CSMD1: variants seen among roughly 807,000 people sequenced by gnomAD.
CSMD1 encodes the protein CUB and sushi domain-containing protein 1.
CSMD1 carries 213 observed loss-of-function variants against 417.5 expected under a neutral mutation model. The ratio of observed to expected loss-of-function variants is 0.51; its 90% CI spans 0.46 to 0.57. The LOEUF is 0.57. Among genes scored for constraint, CSMD1 ranks in the 20% least tolerant of loss-of-function variants. The pLI is 0.00. For synonymous variants in CSMD1, 2,862 were observed against 1,736.8 expected (o/e 1.65, Z -16.11); for missense variants, 6,923 against 4,529.7 (o/e 1.53, Z -15.17).
chr8:3,362,739 C>A (rs1809279593), intron 20 of CSMD1, among the ~76,000 whole-genome samples: 1 of 152,122 alleles, frequency 6.6e-6, no homozygotes, highest in Admixed American at 6.5e-5. Context: ...TAAAACAGAG[C>A]ATCCTCATTC....
chr8:4,058,088 G>A (rs1169850921), intron 3 of CSMD1, among the ~76,000 whole-genome samples: 1 of 152,150 alleles, frequency 6.6e-6, no homozygotes, highest in Non-Finnish European at 1.5e-5. Context: ...TTGGTAGCTT[G>A]ATGGGGATGG....
At position 4,818,652 on chromosome 8, in the gene CSMD1, G is replaced by C. The variant is rs368887502; in HGVS notation, c.85+175680C>G. Among the ~76,000 whole-genome samples, 110 of 152,268 alleles carry C rather than the reference G, an allele frequency of 7.2e-4. 3 individuals are homozygous for C. In the South Asian group the frequency reaches 0.021, roughly 30 times the overall value. ...CCAGTAAAAGGAAATAATATCTTTAGAGAAAGGGCAAAGGTATGAATAAAT... is the reference window on the plus strand; with the variant it reads ...CCAGTAAAAGGAAATAATATCTTTACAGAAAGGGCAAAGGTATGAATAAAT... On this transcript the variant is annotated intron_variant, in intron 1 of 69. Transcript: ENST00000635120.
chr8:4,186,350 C>A (rs1244564969), intron 3 of CSMD1, among the ~76,000 whole-genome samples: 2 of 152,126 alleles, frequency 1.3e-5, no homozygotes, highest in African/African-American at 4.8e-5. Context: ...CAGCCCTGGG[C>A]TGATTCCTAT....
chr8:4,261,305 G>C (rs1193687888), intron 3 of CSMD1, among the ~76,000 whole-genome samples: 2 of 152,044 alleles, frequency 1.3e-5, no homozygotes, highest in South Asian at 2.1e-4. Context: ...AATAACCCAG[G>C]CATAGAAAGA....
At chr8:3,730,435 T>C (rs2897573) in intron 6 of CSMD1, among the ~76,000 whole-genome samples, 86,500 of 148,538 alleles carry the variant, frequency 0.58, 28,284 homozygotes, top group Non-Finnish European at 0.72. Flanking sequence ...ACCTCTAGGT[T>C]AGCAGAGCAA....
intron 3 of CSMD1, among the ~76,000 whole-genome samples, chr8:4,064,034 C>G (rs1165880659): frequency 2.6e-5 from 4 of 152,246 alleles, no homozygotes; most frequent in African/African-American, 7.2e-5. Flanking sequence ...TCAACTGACA[C>G]CAGCTGAGAG....
At chr8:4,641,986 A>G (rs1428910381) in intron 1 of CSMD1, among the ~76,000 whole-genome samples, 1 of 152,200 alleles carries the variant, frequency 6.6e-6, no homozygotes, top group Non-Finnish European at 1.5e-5. Context: ...ACTACCTGGC[A>G]TGCAAGATGT....
intron 54 of CSMD1, among the ~76,000 whole-genome samples, chr8:2,988,076 A>G (rs1314639640): frequency 6.6e-6 from 1 of 152,166 alleles, no homozygotes; most frequent in African/African-American, 2.4e-5. Flanking sequence ...AGCTATTTTA[A>G]CATTAGCTTA....
At chr8:4,679,537 C>A (rs184838831) in intron 1 of CSMD1, among the ~76,000 whole-genome samples, 1 of 152,082 alleles carries the variant, frequency 6.6e-6, no homozygotes, top group African/African-American at 2.4e-5. Context: ...CCCCAAAATG[C>A]CAAATTTGAG....
At chr8:3,438,417 A>C (rs1814717582) in intron 12 of CSMD1, among the ~76,000 whole-genome samples, 1 of 152,088 alleles carries the variant, frequency 6.6e-6, no homozygotes, top group African/African-American at 2.4e-5. Flanking sequence ...AGCTACACTT[A>C]CTTTGGCCCA....
At chr8:3,967,887 G>T (rs1276926333) in intron 5 of CSMD1, among the ~76,000 whole-genome samples, 2 of 151,854 alleles carry the variant, frequency 1.3e-5, no homozygotes, top group African/African-American at 2.4e-5. Flanking sequence ...GCCACAATTG[G>T]CCGGGCGCAG....
chr8:4,190,923 G>A (rs1430394570), intron 3 of CSMD1, among the ~76,000 whole-genome samples: 1 of 146,862 alleles, frequency 6.8e-6, no homozygotes, highest in African/African-American at 2.5e-5. Flanking sequence ...ACACATAGGT[G>A]AACGACACAA....
At chr8:4,032,607 T>C (rs1359431306) in intron 3 of CSMD1, among the ~76,000 whole-genome samples, 2 of 152,190 alleles carry the variant, frequency 1.3e-5, no homozygotes, top group Non-Finnish European at 2.9e-5. Context: ...GGATAAGCAA[T>C]TGAATTAAAT....
rs1491215687 is a variant in CSMD1 at position 4,532,723 on chromosome 8, TCA to T, written c.302+104617_302+104618del. 1.9e-4 allele frequency among the ~76,000 whole-genome samples: 21 copies of T among 112,224 alleles called. No homozygotes were observed. The East Asian group carries it at 6.2e-3, about 33-fold the overall frequency. The allele number at this position is 112,224 out of a possible 152,430, so 73.6% of individuals were successfully genotyped here. ...TTGAAAAGAAATCCTGCACCCCCATTCAGTCACTCCAGAAAAGAAATCCTGCA... is the reference window on the plus strand; with the variant it reads ...TTGAAAAGAAATCCTGCACCCCCATTGTCACTCCAGAAAAGAAATCCTGCA... On this transcript the variant is annotated intron_variant, in intron 2 of 69. Coordinates refer to ENST00000635120, the MANE Select transcript of CSMD1 (RefSeq NM_033225.6).
chr8:3,109,736 C>CCACACACAACACGCACACA (rs1217246997), intron 43 of CSMD1, among the ~76,000 whole-genome samples: 1 of 151,902 alleles, frequency 6.6e-6, no homozygotes, highest in East Asian at 1.9e-4. Flanking sequence ...TGCAGCCACA[C>CCACACACAACACGCACACA]CACACACAAC....
chr8:3,766,705 G>A (rs966645867), intron 5 of CSMD1, among the ~76,000 whole-genome samples: 4 of 151,718 alleles, frequency 2.6e-5, no homozygotes, highest in African/African-American at 9.7e-5. Flanking sequence ...TTTATTTTGG[G>A]TTCACTGACA....
At chr8:4,522,184 G>C (rs749406766) in intron 2 of CSMD1, among the ~76,000 whole-genome samples, 1 of 152,070 alleles carries the variant, frequency 6.6e-6, no homozygotes, top group African/African-American at 2.4e-5. Context: ...AATGAGTCTC[G>C]TGAGAGCTGA....
At chr8:2,978,525 T>C in intron 55 of CSMD1, 87 bp downstream of exon 55, 2 of 1,031,990 alleles carry the variant, frequency 1.9e-6, no homozygotes, top group Non-Finnish European at 2.8e-6. Flanking sequence ...TAAAATTCAG[T>C]GCCTTTTAAA....
At chr8:3,945,180 A>G (rs1190494363) in intron 5 of CSMD1, among the ~76,000 whole-genome samples, 1 of 7,370 alleles carries the variant, frequency 1.4e-4, no homozygotes, top group Non-Finnish European at 5.2e-4. Flanking sequence ...GAGAAAGACA[A>G]AAAAAAAAAA....
Sources: gnomAD v4.1 joint callset for allele counts (sites outside exome capture counted in the v4.1 genomes callset) on GRCh38, gnomAD v4.1.1 for gene constraint, MANE v1.5 for transcripts, NCBI Gene and HGNC (gene_info 2026-07-23, HGNC 2026-07-21) for gene names.